The following CSMD1 variants were observed in gnomAD, a reference collection of about 807,000 sequenced individuals.
CSMD1 encodes CUB and sushi domain-containing protein 1.
A neutral mutation model predicts 417.5 loss-of-function variants in CSMD1; 213 were observed. That is an observed-to-expected ratio of 0.51 (90% CI 0.46 to 0.57). The LOEUF (loss-of-function observed/expected upper bound fraction) is 0.57, where lower values mean the gene tolerates loss of function less well. CSMD1 is among the 20% of genes least tolerant of loss of function. The probability of loss-of-function intolerance (pLI) is 0.00; values close to 1 mark genes in which losing one functional copy is unlikely to be tolerated. For synonymous variants in CSMD1, 2,862 were observed against 1,736.8 expected (o/e 1.65, Z -16.11); for missense variants, 6,923 against 4,529.7 (o/e 1.53, Z -15.17).
intron 60 of CSMD1, 93 bp downstream of exon 60, chr8:2,963,129 A>T: frequency 2.2e-6 from 3 of 1,356,324 alleles, no homozygotes; most frequent in Non-Finnish European, 3.1e-6. Flanking sequence ...CCCACCAGGA[A>T]GGTCCTCAGA....
chr8:3,171,778 T>C lies in CSMD1; in HGVS notation c.5725+9332A>G, dbSNP rs1585548254. Among the ~76,000 whole-genome samples the C allele has an allele frequency of 2.6e-5, 4 of 152,332 alleles. No homozygotes were observed. The South Asian group carries it at 8.3e-4, about 32-fold the overall frequency. ...GAGACAATATACTTCTATATCTAGCTCTCTATTGAAATACATGCTTTGTAG... is the reference window on the plus strand; with the variant it reads ...GAGACAATATACTTCTATATCTAGCCCTCTATTGAAATACATGCTTTGTAG... On this transcript the variant is annotated intron_variant, in intron 37 of 69. Coordinates refer to ENST00000635120, the MANE Select transcript of CSMD1 (RefSeq NM_033225.6).
At chr8:3,326,731 A>G (rs573855536) in intron 23 of CSMD1, among the ~76,000 whole-genome samples, 1 of 152,310 alleles carries the variant, frequency 6.6e-6, no homozygotes, top group African/African-American at 2.4e-5. Context: ...TTGTATTGGA[A>G]TTGCTTAGAC....
chr8:3,633,099 C>T (rs550787727), intron 7 of CSMD1, among the ~76,000 whole-genome samples: 23 of 152,322 alleles, frequency 1.5e-4, no homozygotes, highest in African/African-American at 5.3e-4. Flanking sequence ...TTGCTGACGT[C>T]ATTGTTTTAA....
At chr8:4,616,383 C>T (rs773579244) in intron 2 of CSMD1, among the ~76,000 whole-genome samples, 3 of 152,184 alleles carry the variant, frequency 2.0e-5, no homozygotes, top group Non-Finnish European at 4.4e-5. Flanking sequence ...ATGACCACAA[C>T]AGGCAAATCG....
chr8:4,426,979 G>A (rs952493029), intron 2 of CSMD1, among the ~76,000 whole-genome samples: 2 of 152,122 alleles, frequency 1.3e-5, no homozygotes, highest in Middle Eastern at 3.4e-3. Context: ...CCTGGTCTAG[G>A]GATGGGGACA....
chr8:4,602,370 C>A (rs778467275), intron 2 of CSMD1, among the ~76,000 whole-genome samples: 2 of 152,104 alleles, frequency 1.3e-5, no homozygotes, highest in Non-Finnish European at 2.9e-5. Flanking sequence ...GCTTCTACTG[C>A]CAGGAGAGAT....
intron 4 of CSMD1, 83 bp from the exon 5 acceptor site, chr8:3,998,193 A>G (rs534009186): frequency 8.1e-7 from 1 of 1,236,994 alleles, no homozygotes; most frequent in East Asian, 2.6e-5. Flanking sequence ...GTCACTCTTG[A>G]TCAGCGACAA....
chr8:3,417,719 C>G (rs75156235), intron 12 of CSMD1, among the ~76,000 whole-genome samples: 2,855 of 152,276 alleles, frequency 0.019, 57 homozygotes, highest in East Asian at 0.096. Context: ...CTCTTAGATT[C>G]TCATTTTTTT....
At chr8:4,425,022 A>G (rs1214580849) in intron 2 of CSMD1, among the ~76,000 whole-genome samples, 1 of 152,108 alleles carries the variant, frequency 6.6e-6, no homozygotes, top group East Asian at 1.9e-4. Flanking sequence ...ATTAAATTCT[A>G]AAAGTAAGTT....
At chr8:4,078,607 AT>A (rs201291774) in intron 3 of CSMD1, among the ~76,000 whole-genome samples, 3,066 of 146,862 alleles carry the variant, frequency 0.021, 167 homozygotes, top group Admixed American at 0.12. Context: ...ATGAAATATA[AT>A]TTTTTTTTTT....
chr8:3,662,237 A>G (rs1798457887), intron 7 of CSMD1, among the ~76,000 whole-genome samples: 1 of 152,232 alleles, frequency 6.6e-6, no homozygotes, highest in Admixed American at 6.5e-5. Flanking sequence ...AGTATGTTCA[A>G]CTATGCTCAA....
chr8:4,007,298 G>C (rs2554633), intron 4 of CSMD1, among the ~76,000 whole-genome samples: 144,980 of 152,302 alleles, frequency 0.95, 69,087 homozygotes, highest in Middle Eastern at 0.99. Context: ...GAGCTGGAAT[G>C]TTGGCTTCTT....
At chr8:3,294,506 C>G (rs1803815925) in intron 25 of CSMD1, among the ~76,000 whole-genome samples, 2 of 152,238 alleles carry the variant, frequency 1.3e-5, no homozygotes, top group South Asian at 4.1e-4. Context: ...TTTAGTCATT[C>G]AAGCCTTGGC....
intron 2 of CSMD1, among the ~76,000 whole-genome samples, chr8:4,453,092 A>C (rs1799245512): frequency 6.6e-6 from 1 of 152,244 alleles, no homozygotes; most frequent in South Asian, 2.1e-4. Flanking sequence ...CTGGGGCTAT[A>C]GACAGGGAGC....
At chr8:4,953,226 G>C (rs936910773) in intron 1 of CSMD1, among the ~76,000 whole-genome samples, 11 of 152,140 alleles carry the variant, frequency 7.2e-5, no homozygotes, top group Middle Eastern at 3.4e-3. Flanking sequence ...AATGAGTTTT[G>C]CTGAAAATTT....
At chr8:3,976,178 A>G (rs1273548957) in intron 5 of CSMD1, among the ~76,000 whole-genome samples, 2 of 152,142 alleles carry the variant, frequency 1.3e-5, no homozygotes, top group African/African-American at 4.8e-5. Flanking sequence ...CAAATACGAG[A>G]TAACTTATGC....
chr8:3,349,293 C>A (rs1808233291), intron 21 of CSMD1, among the ~76,000 whole-genome samples: 1 of 152,144 alleles, frequency 6.6e-6, no homozygotes, highest in African/African-American at 2.4e-5. Flanking sequence ...ACCCTCCTTC[C>A]CTCTTTGACA....
chr8:4,730,046 C>G (rs1809740838), intron 1 of CSMD1, among the ~76,000 whole-genome samples: 2 of 152,060 alleles, frequency 1.3e-5, no homozygotes, highest in Admixed American at 1.3e-4. Flanking sequence ...TGTTTTAACT[C>G]CTCTCAGAAT....
intron 1 of CSMD1, among the ~76,000 whole-genome samples, chr8:4,673,169 A>C (rs990697275): frequency 6.6e-6 from 1 of 152,220 alleles, no homozygotes; most frequent in Non-Finnish European, 1.5e-5. Context: ...CTATGGAAGG[A>C]AAAAGAAAGA....
Sources: gnomAD v4.1 joint callset for allele counts (sites outside exome capture counted in the v4.1 genomes callset) on GRCh38, gnomAD v4.1.1 for gene constraint, MANE v1.5 for transcripts, NCBI Gene and HGNC (gene_info 2026-07-23, HGNC 2026-07-21) for gene names.